FAM20A: variants seen among roughly 807,000 people sequenced by gnomAD.
FAM20A encodes the protein pseudokinase FAM20A.
A neutral mutation model predicts 52.0 loss-of-function variants in FAM20A; 42 were observed. The observed-to-expected ratio is 0.81, with a 90% CI of 0.63 to 1.04. The LOEUF (loss-of-function observed/expected upper bound fraction) is 1.04, where lower values mean the gene tolerates loss of function less well. Among genes scored for constraint, FAM20A ranks in the 50% least tolerant of loss-of-function variants. The probability of loss-of-function intolerance (pLI) is 0.00; values close to 1 mark genes in which losing one functional copy is unlikely to be tolerated. For synonymous variants in FAM20A, 304 were observed against 298.9 expected, an observed-to-expected ratio of 1.02 and a Z score of -0.18; for missense variants, 742 against 712.7, an observed-to-expected ratio of 1.04 and a Z score of -0.47.
intron 1 of FAM20A, among the ~76,000 whole-genome samples, chr17:68,572,538 G>A (rs2087594476): frequency 6.6e-6 from 1 of 152,072 alleles, no homozygotes; most frequent in Non-Finnish European, 1.5e-5. Flanking sequence ...TGGCTTTTTG[G>A]TGTTCACTGT....
chr17:68,536,422 T>C lies in FAM20A; in HGVS notation c.*1055A>G, dbSNP rs1379717352. 1 of 454,150 alleles carries C rather than the reference T, an allele frequency of 2.2e-6. No individual in the cohort carries two copies. The highest frequency in any genetic ancestry group is 4.4e-6 in the Non-Finnish European group (1 of 226,788). 28.1% of individuals were successfully genotyped at this position (454,150 alleles called of 1,614,324 possible). On this transcript the variant is annotated 3_prime_UTR_variant, in exon 11 of 11. Coordinates refer to ENST00000592554, the MANE Select transcript of FAM20A (RefSeq NM_017565.4). ...GCCTCCTATTAAAAGGAGTTTCAGA[T>C]ATCAACAAGTCAGGGAGAAGGTAGA...
chr17:68,561,098 A>G (rs1366859918), intron 1 of FAM20A, among the ~76,000 whole-genome samples: 1 of 152,124 alleles, frequency 6.6e-6, no homozygotes, highest in Non-Finnish European at 1.5e-5. Flanking sequence ...TTTTGACTTC[A>G]CTTATGGTGA....
In FAM20A at chr17:68,535,206, T is replaced by A. The variant is rs1450791919; in HGVS notation, c.*2271A>T. ...TCGAGTAAGAATGAAACGGTTGGTT[T>A]TCTGATATTTTTGAGAAATGAGTCT... On this transcript the variant is annotated 3_prime_UTR_variant, in exon 11 of 11. Coordinates refer to ENST00000592554, the MANE Select transcript of FAM20A (RefSeq NM_017565.4). 6.7e-6 allele frequency: 3 copies of A among 447,792 alleles called. No individual in the cohort carries two copies. Among genetic ancestry groups the A allele is most frequent in the South Asian group, 4.7e-5 (3 of 63,994 alleles). 27.7% of individuals were successfully genotyped at this position (447,792 alleles called of 1,614,324 possible).
chr17:68,581,440 CTTTTTT>C (rs765957998), intron 1 of FAM20A, among the ~76,000 whole-genome samples: 136 of 101,128 alleles, frequency 1.3e-3, no homozygotes, highest in African/African-American at 5.0e-3. Context: ...TCTTTCTTTT[CTTTTTT>C]TCTTTTCTTT....
intron 7 of FAM20A, 75 bp from the exon 8 acceptor site, chr17:68,541,033 CTGCCCCCCCAA>C: frequency 6.5e-7 from 1 of 1,545,374 alleles, no homozygotes; most frequent in South Asian, 1.2e-5. Context: ...ACACCTCCCC[CTGCCCCCCCAA>C]TCCCTGCCTC....
At chr17:68,550,967 A>G (rs1192209353) in intron 4 of FAM20A, 2 of 918,074 alleles carry the variant, frequency 2.2e-6, no homozygotes, top group East Asian at 3.3e-5. Flanking sequence ...CTCCCCTTGA[A>G]TGGCTGAAGG....
chr17:68,545,729 A>T (rs1417229646), intron 4 of FAM20A, among the ~76,000 whole-genome samples: 1 of 152,252 alleles, frequency 6.6e-6, no homozygotes, highest in Non-Finnish European at 1.5e-5. Flanking sequence ...AATTGAAGTC[A>T]GTCCTCTCAA....
chr17:68,589,924 G>C (rs75002672), intron 1 of FAM20A, among the ~76,000 whole-genome samples: 1,586 of 152,262 alleles, frequency 0.01, 31 homozygotes, highest in African/African-American at 0.036. Context: ...TGGTAGCAGA[G>C]TATTGAAAAT....
Position 68,578,257 on chromosome 17 carries a change from G to C in FAM20A, c.404+22006C>G, listed in dbSNP as rs141248084. Among the ~76,000 whole-genome samples the C allele has an allele frequency of 3.8e-4, 58 of 152,258 alleles. 4 individuals carry two copies. The East Asian group carries it at 9.8e-3, about 26-fold the overall frequency. ...CCTTACTGCCTATCATACAGGCATG[G>C]GCATTTGAAAGAGAGATGGATTTGA... On this transcript the variant is annotated intron_variant, in intron 1 of 10. Coordinates refer to ENST00000592554, the MANE Select transcript of FAM20A (RefSeq NM_017565.4).
At chr17:68,555,778 A>G (rs2087035100) in intron 1 of FAM20A, 35 bp from the exon 2 acceptor site, 13 of 1,610,596 alleles carry the variant, frequency 8.1e-6, no homozygotes, top group Admixed American at 1.7e-5. Flanking sequence ...TTAGAGGAAC[A>G]AGAATGCAAA....
At chr17:68,589,853 G>A (rs548670830) in intron 1 of FAM20A, among the ~76,000 whole-genome samples, 66 of 152,270 alleles carry the variant, frequency 4.3e-4, no homozygotes, top group African/African-American at 1.6e-3. Flanking sequence ...TTCAAAATTG[G>A]ATGTAAGGGG....
chr17:68,571,999 TATATATA>T (rs1297558936), intron 1 of FAM20A, among the ~76,000 whole-genome samples: 5 of 34,372 alleles, frequency 1.5e-4, no homozygotes, highest in South Asian at 9.4e-4. Context: ...TATATATATA[TATATATA>T]TATATATATA....
Position 68,542,688 on chromosome 17 carries a change from C to G in FAM20A, c.928+6G>C. On this transcript the variant is annotated splice_donor_region_variant and intron_variant, in intron 6 of 10. Transcript: ENST00000592554. The stretch of plus-strand genomic sequence containing the variant: ...ACCCGGAATATCACTCGGGCCAGTA[C>G]TCTACCTGGAGAGACAAAGAAAACA... 6.2e-7 allele frequency: 1 copy of G among 1,608,158 alleles called. No homozygotes were observed. The highest frequency in any genetic ancestry group is 8.5e-7 in the Non-Finnish European group (1 of 1,174,582).
At chr17:68,548,130 C>T (rs925267902) in intron 4 of FAM20A, among the ~76,000 whole-genome samples, 6 of 152,198 alleles carry the variant, frequency 3.9e-5, no homozygotes, top group African/African-American at 1.4e-4. Context: ...TGCAGTGGCT[C>T]ACACCTGTAA....
chr17:68,589,745 T>C (rs1245357467), intron 1 of FAM20A, among the ~76,000 whole-genome samples: 4 of 152,246 alleles, frequency 2.6e-5, no homozygotes, highest in Non-Finnish European at 4.4e-5. Context: ...CAATTTGTAA[T>C]TTATTGATAT....
chr17:68,547,264 CATTATT>C (rs1032757555), intron 4 of FAM20A, among the ~76,000 whole-genome samples: 1 of 152,060 alleles, frequency 6.6e-6, no homozygotes, highest in African/African-American at 2.4e-5. Flanking sequence ...GAATCTTTAT[CATTATT>C]ATTATTATTT....
At chr17:68,581,396 T>TTCTTTTTC (rs2087965330) in intron 1 of FAM20A, among the ~76,000 whole-genome samples, 3 of 147,626 alleles carry the variant, frequency 2.0e-5, no homozygotes, top group African/African-American at 7.6e-5. Context: ...CTTTCTTTCT[T>TTCTTTTTC]TCTTTCTTTC....
rs1427203681 is a variant in FAM20A at position 68,600,475 on chromosome 17, G to A, written c.192C>T (p.Pro64=). 1.2e-5 allele frequency: 20 copies of A among 1,605,004 alleles called. No homozygotes were observed. Among genetic ancestry groups the A allele is most frequent in the Non-Finnish European group, 1.5e-5 (18 of 1,176,130 alleles). ...GGGAAAAGTTGTGCACGATCGTGCC[G>A]GGGTCCGAGGCAGCTGCGGCCGAGT... ...ARDSAAAASD[P]GTIVHNFSRT... is the part of the protein sequence containing the mutation. The change falls in exon 1 of 11, where the codon CCC becomes CCT. Residue 64 remains proline, a synonymous_variant. Transcript: ENST00000592554. This position sits in a 1 kb window ranked among gnomAD's most constrained non-coding sequence, Gnocchi z 6.2.
At chr17:68,592,281 G>A (rs1005922229) in intron 1 of FAM20A, among the ~76,000 whole-genome samples, 2 of 152,074 alleles carry the variant, frequency 1.3e-5, no homozygotes, top group African/African-American at 4.8e-5. Flanking sequence ...AACTATGAAT[G>A]GGGTTAAAAA....
Sources: gnomAD v4.1 joint callset for allele counts (sites outside exome capture counted in the v4.1 genomes callset) on GRCh38, gnomAD v4.1.1 for gene constraint, Gnocchi (gnomAD v3.1) non-coding constraint, MANE v1.5 for transcripts, NCBI Gene and HGNC (gene_info 2026-07-23, HGNC 2026-07-21) for gene names.